ZNF578: variants seen among roughly 807,000 people sequenced by gnomAD.
ZNF578 encodes zinc finger protein 578.
In ZNF578, 8 loss-of-function variants were observed where a neutral mutation model predicts 8.3. The ratio of observed to expected loss-of-function variants is 0.96; its 90% CI spans 0.56 to 1.74. The LOEUF (loss-of-function observed/expected upper bound fraction) is 1.74. Ranked by LOEUF, ZNF578 falls within the 40% of genes most tolerant of loss-of-function variation. ZNF578 has a pLI of 0.00. For missense variants in ZNF578, 726 were observed against 707.5 expected, an observed-to-expected ratio of 1.03 and a Z score of -0.30; for synonymous variants, 206 against 232.2, an observed-to-expected ratio of 0.89 and a Z score of 1.03.
rs2059460914 is a variant in ZNF578 at position 52,513,777 on chromosome 19, G to A, written c.*1623G>A. Among the ~76,000 whole-genome samples the A allele has an allele frequency of 6.7e-6, 1 of 150,330 alleles. No individual in the cohort carries two copies. The highest frequency in any genetic ancestry group is 1.5e-5 in the Non-Finnish European group (1 of 67,712). ...CAAACCCGGGGTGTCTCATCCCACA[G>A]CACTTTGGAAGACTGAAGTGAGTGG... On this transcript the variant is annotated 3_prime_UTR_variant, in exon 6 of 6. Transcript: ENST00000421239.
At chr19:52,500,686 CTTT>C (rs1271647477) in intron 3 of ZNF578, among the ~76,000 whole-genome samples, 4 of 151,638 alleles carry the variant, frequency 2.6e-5, no homozygotes, top group African/African-American at 9.7e-5. Context: ...CTGGGTCTTT[CTTT>C]TGAGTTTGAT....
chr19:52,475,353 CTTTTT>C (rs367763536), intron 2 of ZNF578: 5 of 144,694 alleles, frequency 3.5e-5, no homozygotes, highest in Non-Finnish European at 6.0e-5. Context: ...TTCTTTCTTT[CTTTTT>C]TTTTTTTTTT....
Position 52,470,248 on chromosome 19 carries a change from AG to A in ZNF578, c.-122+13292del, listed in dbSNP as rs747946396. Among the ~76,000 whole-genome samples the A allele has an allele frequency of 2.5e-3, 377 of 152,244 alleles. 2 individuals carry two copies. Among genetic ancestry groups the A allele is most frequent in the Non-Finnish European group, 4.4e-3 (302 of 68,010 alleles). ...AGGCAAGGCAATGCTGATTCTTCTCAGGATCCTCCCCCACCACCCTTCTTTG... is the reference window on the plus strand; with the variant it reads ...AGGCAAGGCAATGCTGATTCTTCTCAGATCCTCCCCCACCACCCTTCTTTG... On this transcript the variant is annotated intron_variant, in intron 2 of 5. Transcript: ENST00000421239.
At chr19:52,483,280 T>C (rs939559172) in intron 2 of ZNF578, among the ~76,000 whole-genome samples, 1 of 152,060 alleles carries the variant, frequency 6.6e-6, no homozygotes, top group African/African-American at 2.4e-5. Flanking sequence ...CTGGGTGTGG[T>C]GGCGCATGCC....
chr19:52,500,773 G>T (rs1364157356), intron 3 of ZNF578, among the ~76,000 whole-genome samples: 1 of 152,038 alleles, frequency 6.6e-6, no homozygotes, highest in East Asian at 1.9e-4. Flanking sequence ...TAGAAGGGGA[G>T]TCTGGTTCCC....
chr19:52,476,101 G>A (rs939684313), intron 2 of ZNF578, among the ~76,000 whole-genome samples: 1 of 147,292 alleles, frequency 6.8e-6, no homozygotes, highest in Non-Finnish European at 1.5e-5. Flanking sequence ...TTATGTAAGG[G>A]TATAGTAAAA....
intron 2 of ZNF578, among the ~76,000 whole-genome samples, chr19:52,465,798 C>T (rs1470179935): frequency 1.3e-5 from 2 of 152,210 alleles, no homozygotes; most frequent in African/African-American, 4.8e-5. Flanking sequence ...TCTCTGAGTG[C>T]CTCGCTTACC....
At chr19:52,454,691 CAG>C (rs1323469132) in intron 1 of ZNF578, 1 of 152,164 alleles carries the variant, frequency 6.6e-6, no homozygotes, top group Non-Finnish European at 1.5e-5. Context: ...TCTGGTCAGT[CAG>C]AAGTAGAGGT....
intron 2 of ZNF578, among the ~76,000 whole-genome samples, chr19:52,482,587 A>G (rs9677002): frequency 0.38 from 57,773 of 151,528 alleles, 12,045 homozygotes; most frequent in African/African-American, 0.56. Context: ...GCAGTGAGCC[A>G]AGGTTGCGCC....
chr19:52,497,027 G>A (rs1279413923), intron 3 of ZNF578, among the ~76,000 whole-genome samples: 1 of 152,086 alleles, frequency 6.6e-6, no homozygotes, highest in African/African-American at 2.4e-5. Context: ...CAACCTCCTG[G>A]GCTCAAGTGA....
chr19:52,478,925 G>T (rs539663547), intron 2 of ZNF578, among the ~76,000 whole-genome samples: 1 of 151,756 alleles, frequency 6.6e-6, no homozygotes, highest in South Asian at 2.1e-4. Context: ...TATTTTTCAG[G>T]CTGGTCTCGA....
intron 3 of ZNF578, among the ~76,000 whole-genome samples, chr19:52,492,510 T>A (rs1019120041): frequency 6.6e-6 from 1 of 152,214 alleles, no homozygotes; most frequent in African/African-American, 2.4e-5. Context: ...CTGTGGGCCA[T>A]CAGCATGAAA....
chr19:52,511,277 AG>A lies in ZNF578; in HGVS notation c.897del (p.Lys299AsnfsTer4). ...CNECGKSFSYKSSLTCHRRCH... is the reference protein window; with the variant it reads ...CNECGKSFSYXSSLTCHRRCH... ...GAATGTGGAAAGTCCTTCAGTTACA[AG>A]TCATCCCTGACATGCCATCGTAGAT... On this transcript the variant is annotated frameshift_variant, in exon 6 of 6. Coordinates refer to ENST00000421239, the MANE Select transcript of ZNF578 (RefSeq NM_001099694.2). LOFTEE classifies it low-confidence loss of function (END_TRUNC). 6.2e-7 allele frequency: 1 copy of A among 1,614,134 alleles called. No individual in the cohort carries two copies. The highest frequency in any genetic ancestry group is 8.5e-7 in the Non-Finnish European group (1 of 1,180,012).
At chr19:52,494,130 C>T (rs1360368775) in intron 3 of ZNF578, among the ~76,000 whole-genome samples, 1 of 145,044 alleles carries the variant, frequency 6.9e-6, no homozygotes, top group African/African-American at 2.5e-5. Flanking sequence ...GACAAGAAAA[C>T]AAGAGCTAGA....
rs771873243 is a variant in ZNF578 at position 52,510,557 on chromosome 19, G to T, written c.191-15G>T. On this transcript the variant is annotated splice_polypyrimidine_tract_variant and intron_variant, in intron 5 of 5. Transcript: ENST00000421239. ...TGCACTTAATTGCAAACGTATTGGT[G>T]TTTATATTTTGTAGATATCTCTTCC... The T allele has an allele frequency of 4.6e-6, 7 of 1,516,654 alleles. No homozygotes were observed. In the Admixed American group the frequency reaches 1.6e-4, roughly 34 times the overall value. 93.9% of individuals were successfully genotyped at this position (1,516,654 alleles called of 1,614,324 possible). A position where few individuals can be genotyped will look rare whatever the true frequency, so the allele number is the denominator to read the frequency against.
chr19:52,460,054 G>A (rs4802950), intron 2 of ZNF578, among the ~76,000 whole-genome samples: 133,602 of 150,580 alleles, frequency 0.89, 60,031 homozygotes, highest in Non-Finnish European at 0.96. Flanking sequence ...CATAGCCACC[G>A]TGCCTGGCCA....
intron 2 of ZNF578, among the ~76,000 whole-genome samples, chr19:52,487,181 A>T (rs1286681238): frequency 3.3e-5 from 5 of 151,734 alleles, no homozygotes; most frequent in African/African-American, 4.8e-5. Flanking sequence ...CAAAAAAAAA[A>T]TAATAATAAT....
chr19:52,485,173 C>T (rs1217144411), intron 2 of ZNF578, among the ~76,000 whole-genome samples: 1 of 152,034 alleles, frequency 6.6e-6, no homozygotes, highest in Non-Finnish European at 1.5e-5. Context: ...CCTCACACCA[C>T]CTCTGGTCTA....
In ZNF578 at chr19:52,513,337, C is replaced by CTT. The variant is rs11318311; in HGVS notation, c.*1206_*1207dup. On this transcript the variant is annotated 3_prime_UTR_variant, in exon 6 of 6. Transcript: ENST00000421239. Reference sequence around the variant, plus strand: ...GCGCCTGGCATTGTTTCTTCTTTTCCTTTTTTTTTTTTTTTTTTTTTTTTG... The same window carrying CTT: ...GCGCCTGGCATTGTTTCTTCTTTTCCTTTTTTTTTTTTTTTTTTTTTTTTTTG... Among the ~76,000 whole-genome samples the CTT allele has an allele frequency of 0.037, 3,690 of 100,678 alleles. 56 individuals carry two copies. The highest frequency in any genetic ancestry group is 0.048 in the Middle Eastern group (6 of 124). The allele number at this position is 100,678 out of a possible 152,430, so 66.0% of individuals were successfully genotyped here.
Sources: allele counts gnomAD v4.1 joint callset (sites outside exome capture counted in the v4.1 genomes callset), GRCh38; gene constraint gnomAD v4.1.1; transcripts MANE v1.5; gene names NCBI Gene and HGNC (gene_info 2026-07-23, HGNC 2026-07-21).